The following MYT1L variants were observed in gnomAD, a reference collection of about 807,000 sequenced individuals.
The protein encoded by MYT1L is myelin transcription factor 1 like.
In MYT1L, 12 loss-of-function variants were observed where a neutral mutation model predicts 126.7. That is an observed-to-expected ratio of 0.09 (90% CI 0.06 to 0.15). MYT1L has a LOEUF of 0.15. Among genes scored for constraint, MYT1L ranks in the 10% least tolerant of loss-of-function variants. The pLI, the probability that MYT1L is intolerant of heterozygous loss-of-function variation, is 1.00. For missense variants in MYT1L, 979 were observed against 1,585.2 expected (o/e 0.62, Z 6.49); for synonymous variants, 541 against 604.2 (o/e 0.90, Z 1.53).
At chr2:2,111,723 TTG>T (rs960091215) in intron 3 of MYT1L, among the ~76,000 whole-genome samples, 2 of 152,162 alleles carry the variant, frequency 1.3e-5, no homozygotes, top group African/African-American at 2.4e-5. Flanking sequence ...AATAGTTGGA[TTG>T]TGTGTGAATA....
chr2:2,016,865 C>A lies in MYT1L; in HGVS notation c.-157-19518G>T, dbSNP rs2149798994. 2.0e-5 allele frequency among the ~76,000 whole-genome samples: 3 copies of A among 152,364 alleles called. No homozygotes were observed. In the South Asian group the frequency reaches 6.2e-4, roughly 32 times the overall value. ...AATCTGGGCAACGGCATTCTGAAATCCATCAGCCAGAGCACAGCTAATTAA... is the reference window on the plus strand; with the variant it reads ...AATCTGGGCAACGGCATTCTGAAATACATCAGCCAGAGCACAGCTAATTAA... On this transcript the variant is annotated intron_variant, in intron 4 of 24. Coordinates refer to ENST00000647738, the MANE Select transcript of MYT1L (RefSeq NM_001303052.2).
chr2:1,958,495 T>C (rs1172480102), intron 8 of MYT1L, among the ~76,000 whole-genome samples: 3 of 152,210 alleles, frequency 2.0e-5, no homozygotes, highest in African/African-American at 7.2e-5. Context: ...TCATTTGTCA[T>C]AGGAAAGGGC....
intron 18 of MYT1L, among the ~76,000 whole-genome samples, chr2:1,876,629 C>A (rs192838264): frequency 4.6e-5 from 7 of 152,284 alleles, no homozygotes; most frequent in Admixed American, 6.5e-5. Flanking sequence ...TGACCCTATG[C>A]GTGCCGCCAT....
In MYT1L at chr2:1,912,397, C is replaced by A. The variant is rs1199192266; in HGVS notation, c.1619-287G>T. On this transcript the variant is annotated intron_variant, in intron 11 of 24. Transcript: ENST00000647738. This position sits in a 1 kb window ranked among gnomAD's most constrained non-coding sequence, Gnocchi z 4.3. ...ACGGGACTCTATGCTAAGGGCCTCACACAGCAGAGGCGCTGGAGCCAGGAG... is the reference window on the plus strand; with the variant it reads ...ACGGGACTCTATGCTAAGGGCCTCAAACAGCAGAGGCGCTGGAGCCAGGAG... Among the ~76,000 whole-genome samples the A allele has an allele frequency of 2.0e-5, 3 of 152,210 alleles. No homozygotes were observed. The highest frequency in any genetic ancestry group is 2.9e-5 in the Non-Finnish European group (2 of 68,044).
At chr2:2,133,635 A>C (rs1231481169) in intron 3 of MYT1L, among the ~76,000 whole-genome samples, 2 of 152,158 alleles carry the variant, frequency 1.3e-5, no homozygotes, top group Non-Finnish European at 2.9e-5. Flanking sequence ...ATAGCTGATT[A>C]ATTTTTTTTC....
intron 21 of MYT1L, among the ~76,000 whole-genome samples, chr2:1,817,659 G>T (rs898381933): frequency 2.0e-5 from 3 of 152,288 alleles, no homozygotes; most frequent in Non-Finnish European, 2.9e-5. Context: ...GCGGCCCTGG[G>T]GGGTGGTGGC....
At chr2:1,831,258 G>GA (rs1485827707) in intron 21 of MYT1L, among the ~76,000 whole-genome samples, 1 of 143,558 alleles carries the variant, frequency 7.0e-6, no homozygotes, top group African/African-American at 2.5e-5. Flanking sequence ...CAGCTCCCCA[G>GA]TGCAGTTACA....
intron 3 of MYT1L, among the ~76,000 whole-genome samples, chr2:2,090,448 G>A (rs1487683330): frequency 1.3e-5 from 2 of 152,146 alleles, no homozygotes; most frequent in Admixed American, 1.3e-4. Flanking sequence ...ATTTCAAATT[G>A]CTTTATTGCT....
chr2:1,839,003 G>A lies in MYT1L; in HGVS notation c.3080+146C>T, dbSNP rs1572721716. ...CACTGTCCCCAAACCCTTGAATTTT[G>A]TTAGGTTGGTACGATAGTTTTCAGC... On this transcript the variant is annotated intron_variant, in intron 21 of 24. Coordinates refer to ENST00000647738, the MANE Select transcript of MYT1L (RefSeq NM_001303052.2). 6 of 741,958 alleles carry A rather than the reference G, an allele frequency of 8.1e-6. No individual in the cohort carries two copies. In the East Asian group the frequency reaches 8.2e-5, roughly 10 times the overall value. 46.0% of individuals were successfully genotyped at this position (741,958 alleles called of 1,614,324 possible). A position where few individuals can be genotyped will look rare whatever the true frequency, so the allele number is the denominator to read the frequency against.
chr2:1,873,483 A>G (rs943154170), intron 18 of MYT1L, among the ~76,000 whole-genome samples: 4 of 152,212 alleles, frequency 2.6e-5, no homozygotes, highest in African/African-American at 9.6e-5. Context: ...ATTTGATAGT[A>G]AGAGCTGATT....
chr2:2,157,401 A>G (rs1407139192), intron 3 of MYT1L, among the ~76,000 whole-genome samples: 1 of 152,220 alleles, frequency 6.6e-6, no homozygotes, highest in Non-Finnish European at 1.5e-5. Flanking sequence ...TAAAATAACC[A>G]TTTAATAATA....
chr2:1,977,905 T>C (rs2060309090), intron 8 of MYT1L, among the ~76,000 whole-genome samples: 2 of 152,222 alleles, frequency 1.3e-5, no homozygotes, highest in South Asian at 4.1e-4. Context: ...AACTACTTAT[T>C]TCAATTATGT....
Position 2,167,310 on chromosome 2 carries a change from G to A in MYT1L, c.-304+5562C>T, listed in dbSNP as rs1047089604. 1.1e-4 allele frequency among the ~76,000 whole-genome samples: 16 copies of A among 150,680 alleles called. No individual in the cohort carries two copies. In the East Asian group the frequency reaches 1.4e-3, roughly 13 times the overall value. ...TTTTTGCTCTTCTCCTCTGTTGGAC[G>A]CAATGATGTCTGAATCCCACCTGGA... On this transcript the variant is annotated intron_variant, in intron 3 of 24. Coordinates refer to ENST00000647738, the MANE Select transcript of MYT1L (RefSeq NM_001303052.2).
intron 2 of MYT1L, among the ~76,000 whole-genome samples, chr2:2,222,517 G>T (rs1201335682): frequency 3.3e-5 from 5 of 151,078 alleles, no homozygotes; most frequent in Admixed American, 6.6e-5. Context: ...ATTTTTTTTT[G>T]GTATTTTATA....
intron 18 of MYT1L, among the ~76,000 whole-genome samples, chr2:1,870,261 G>A (rs539428325): frequency 2.0e-5 from 3 of 152,338 alleles, no homozygotes; most frequent in Admixed American, 6.5e-5. Context: ...CAAGCTCTCT[G>A]TCCCATTACG....
At chr2:2,199,453 A>G (rs11683093) in intron 2 of MYT1L, among the ~76,000 whole-genome samples, 26,361 of 152,148 alleles carry the variant, frequency 0.17, 2,460 homozygotes, top group African/African-American at 0.26. Context: ...TGCGGGGTAT[A>G]GCGTGATCCC....
At chr2:2,173,265 A>G (rs894709600) in intron 2 of MYT1L, among the ~76,000 whole-genome samples, 1 of 152,248 alleles carries the variant, frequency 6.6e-6, no homozygotes, top group East Asian at 1.9e-4. Context: ...TGAAGGTAAA[A>G]CCATATGCAC....
chr2:1,946,279 G>A (rs186102259), intron 8 of MYT1L, among the ~76,000 whole-genome samples: 405 of 152,062 alleles, frequency 2.7e-3, no homozygotes, highest in Non-Finnish European at 4.9e-3. Context: ...TCTACATTAT[G>A]GTGAGTTGTA....
intron 3 of MYT1L, among the ~76,000 whole-genome samples, chr2:2,161,697 G>A (rs1306726881): frequency 6.6e-6 from 1 of 152,196 alleles, no homozygotes; most frequent in African/African-American, 2.4e-5. Context: ...AGAGCAAGAT[G>A]GTGCTGGGGA....
Sources: gnomAD v4.1 joint callset for allele counts (sites outside exome capture counted in the v4.1 genomes callset) on GRCh38, gnomAD v4.1.1 for gene constraint, Gnocchi (gnomAD v3.1) non-coding constraint, MANE v1.5 for transcripts, NCBI Gene and HGNC (gene_info 2026-07-23, HGNC 2026-07-21) for gene names.